CHRM3: variants seen among roughly 807,000 people sequenced by gnomAD.
The protein encoded by CHRM3 is cholinergic receptor muscarinic 3.
Under a neutral mutation model 41.8 loss-of-function variants are expected in CHRM3, and 11 were observed. The ratio of observed to expected loss-of-function variants is 0.26; its 90% CI spans 0.17 to 0.44. The LOEUF (loss-of-function observed/expected upper bound fraction) is 0.44. Among genes scored for constraint, CHRM3 ranks in the 20% least tolerant of loss-of-function variants. The pLI is 1.00. For synonymous variants in CHRM3, 297 were observed against 301.4 expected (o/e 0.99, Z 0.15); for missense variants, 571 against 745.4 (o/e 0.77, Z 2.72).
intron 1 of CHRM3, among the ~76,000 whole-genome samples, chr1:239,449,870 G>T (rs927442882): frequency 6.6e-6 from 1 of 152,156 alleles, no homozygotes; most frequent in Admixed American, 6.5e-5. Context: ...AAGTCCCTGC[G>T]TGTTAGGAAG....
chr1:239,638,224 C>T (rs1431547561), intron 4 of CHRM3, among the ~76,000 whole-genome samples: 3 of 150,536 alleles, frequency 2.0e-5, no homozygotes, highest in Non-Finnish European at 3.0e-5. Context: ...AATAAACATA[C>T]GTGTGCATGT....
At chr1:239,767,910 C>T (rs1176800469) in intron 5 of CHRM3, among the ~76,000 whole-genome samples, 7 of 152,058 alleles carry the variant, frequency 4.6e-5, no homozygotes, top group African/African-American at 1.4e-4. Flanking sequence ...CCCTGGTTCA[C>T]GTGGGCTGGA....
At chr1:239,836,501 G>T (rs951738655) in intron 6 of CHRM3, among the ~76,000 whole-genome samples, 5 of 152,110 alleles carry the variant, frequency 3.3e-5, no homozygotes, top group African/African-American at 1.2e-4. Context: ...TGCAGCAGGA[G>T]CCCTCCTGTC....
At chr1:239,735,095 C>T (rs1664286726) in intron 5 of CHRM3, among the ~76,000 whole-genome samples, 1 of 152,090 alleles carries the variant, frequency 6.6e-6, no homozygotes, top group South Asian at 2.1e-4. Flanking sequence ...ATATTCTGCT[C>T]AGAGTCAGAA....
Position 239,547,579 on chromosome 1 carries a change from A to G in CHRM3, c.-313+1830A>G, listed in dbSNP as rs377623051. Among the ~76,000 whole-genome samples the G allele has an allele frequency of 5.9e-5, 9 of 152,364 alleles. No homozygotes were observed. In the East Asian group the frequency reaches 1.5e-3, roughly 26 times the overall value. ...GAAATAAAAGGGAAATGATTATGAT[A>G]TAGTCCATACTGCCTTTGTTCAGAT... On this transcript the variant is annotated intron_variant, in intron 3 of 6. Coordinates refer to ENST00000676153, the MANE Select transcript of CHRM3 (RefSeq NM_001375978.1).
At chr1:239,886,193 C>T (rs190537406) in intron 6 of CHRM3, 1 of 152,236 alleles carries the variant, frequency 6.6e-6, no homozygotes, top group African/African-American at 2.4e-5. Context: ...CTCATTTTCT[C>T]TCGTACCCAA....
At chr1:239,716,782 C>T (rs1429022536) in intron 5 of CHRM3, among the ~76,000 whole-genome samples, 1 of 151,778 alleles carries the variant, frequency 6.6e-6, no homozygotes, top group African/African-American at 2.4e-5. Flanking sequence ...AGGGAGGGGC[C>T]CAAACGTAGC....
chr1:239,406,497 C>G lies in CHRM3; in HGVS notation c.-521+19270C>G, dbSNP rs114162004. Among the ~76,000 whole-genome samples, 976 of 152,254 alleles carry G rather than the reference C, an allele frequency of 6.4e-3. 4 individuals carry two copies. The highest frequency in any genetic ancestry group is 0.011 in the Non-Finnish European group (744 of 68,018). On this transcript the variant is annotated intron_variant, in intron 1 of 6. Transcript: ENST00000676153. ...TGAACCAAAGTTAAATCCAACAAGT[C>G]ACATGCACAGAACAAGATTAACATC... is the stretch of plus-strand genomic sequence containing the variant.
At chr1:239,462,695 G>C (rs560006794) in intron 1 of CHRM3, among the ~76,000 whole-genome samples, 1 of 152,176 alleles carries the variant, frequency 6.6e-6, no homozygotes, top group African/African-American at 2.4e-5. Context: ...TTTACTTTTT[G>C]TACATACAGC....
At chr1:239,389,345 C>A (rs1658817805) in intron 1 of CHRM3, among the ~76,000 whole-genome samples, 1 of 152,092 alleles carries the variant, frequency 6.6e-6, no homozygotes. Context: ...ATATTCAGTA[C>A]CCTACTTTTA....
At chr1:239,776,622 G>A (rs1372865129) in intron 5 of CHRM3, among the ~76,000 whole-genome samples, 1 of 152,134 alleles carries the variant, frequency 6.6e-6, no homozygotes, top group Admixed American at 6.5e-5. Context: ...TTCGCTAAAT[G>A]AGGGCCATGC....
intron 5 of CHRM3, among the ~76,000 whole-genome samples, chr1:239,761,505 C>T (rs843030): frequency 0.12 from 18,753 of 152,110 alleles, 1,207 homozygotes; most frequent in African/African-American, 0.16. Context: ...TCTGTATTCC[C>T]CTAAAATGTT....
intron 3 of CHRM3, among the ~76,000 whole-genome samples, chr1:239,593,327 T>G (rs1191723234): frequency 6.6e-6 from 1 of 152,160 alleles, no homozygotes; most frequent in Non-Finnish European, 1.5e-5. Flanking sequence ...TATGGTGGTG[T>G]TCCATTTTGT....
intron 3 of CHRM3, among the ~76,000 whole-genome samples, chr1:239,586,844 G>T (rs1191524642): frequency 1.3e-5 from 2 of 152,148 alleles, no homozygotes; most frequent in Non-Finnish European, 2.9e-5. Flanking sequence ...CCAACTTTTT[G>T]CCTCTTCTTT....
Position 239,813,900 on chromosome 1 carries a change from G to C in CHRM3, c.-146-13352G>C, listed in dbSNP as rs1448352676. The stretch of plus-strand genomic sequence containing the variant: ...CCACTGCACTCCAGCCTGGGCGACA[G>C]AGCGAGACTCCGTCTCAAAAAAAAA... On this transcript the variant is annotated intron_variant, in intron 5 of 6. Transcript: ENST00000676153. Among the ~76,000 whole-genome samples, 4 of 95,104 alleles carry C rather than the reference G, an allele frequency of 4.2e-5. No individual in the cohort carries two copies. The East Asian group carries it at 8.2e-4, about 19-fold the overall frequency. 62.4% of individuals were successfully genotyped at this position (95,104 alleles called of 152,430 possible). A position where few individuals can be genotyped will look rare whatever the true frequency, so the allele number is the denominator to read the frequency against.
At position 239,910,483 on chromosome 1, in the gene CHRM3, T is replaced by G. The variant is rs895140970; in HGVS notation, c.*1259T>G. The stretch of plus-strand genomic sequence containing the variant: ...GCTTTCTGGTGTTCATTGTGTAACC[T>G]TCACCCAGGAATAGGTGAGGTTTTA... On this transcript the variant is annotated 3_prime_UTR_variant, in exon 7 of 7. Transcript: ENST00000676153. 3.0e-5 allele frequency: 5 copies of G among 166,888 alleles called. No homozygotes were observed. Among genetic ancestry groups the G allele is most frequent in the Admixed American group, 2.0e-4 (3 of 15,264 alleles). The allele number at this position is 166,888 out of a possible 1,614,324, so 10.3% of individuals were successfully genotyped here. A position where few individuals can be genotyped will look rare whatever the true frequency, so the allele number is the denominator to read the frequency against.
chr1:239,613,805 A>G (rs1256911604), intron 3 of CHRM3, among the ~76,000 whole-genome samples: 1 of 151,706 alleles, frequency 6.6e-6, no homozygotes, highest in African/African-American at 2.4e-5. Flanking sequence ...CATACACTCA[A>G]CCCGCAGTAA....
At chr1:239,441,641 T>G (rs1328956119) in intron 1 of CHRM3, among the ~76,000 whole-genome samples, 1 of 152,224 alleles carries the variant, frequency 6.6e-6, no homozygotes, top group Admixed American at 6.5e-5. Context: ...ACATAGACAA[T>G]GTAAATGTTA....
intron 4 of CHRM3, among the ~76,000 whole-genome samples, chr1:239,676,618 C>T (rs573742113): frequency 6.6e-6 from 1 of 152,302 alleles, no homozygotes; most frequent in Non-Finnish European, 1.5e-5. Flanking sequence ...TCACAGCTCT[C>T]CTTGTGTTGT....
Sources: gnomAD v4.1 joint callset for allele counts (sites outside exome capture counted in the v4.1 genomes callset) on GRCh38, gnomAD v4.1.1 for gene constraint, MANE v1.5 for transcripts, NCBI Gene and HGNC (gene_info 2026-07-23, HGNC 2026-07-21) for gene names.